GPI: variants seen among roughly 807,000 people sequenced by gnomAD.
GPI encodes the protein D-hexose-6-phosphate anomerase.
GPI carries 56 observed loss-of-function variants against 75.8 expected under a neutral mutation model. The observed-to-expected ratio is 0.74, with a 90% CI of 0.60 to 0.92. The LOEUF is 0.92. Ranked by LOEUF, GPI falls within the 40% of genes least tolerant of loss-of-function variation. The pLI is 0.00. For synonymous variants in GPI, 288 were observed against 285.4 expected, an observed-to-expected ratio of 1.01 and a Z score of -0.09; for missense variants, 638 against 741.0, an observed-to-expected ratio of 0.86 and a Z score of 1.61.
At chr19:34,396,482 C>T (rs373505851) in intron 13 of GPI, 52 bp downstream of exon 13, 1 of 1,613,278 alleles carries the variant, frequency 6.2e-7, no homozygotes, top group African/African-American at 1.3e-5. Context: ...AAAGGATCTT[C>T]CAGAAGAGAT....
At chr19:34,366,556 C>G in intron 2 of GPI, 121 bp downstream of exon 2, 1 of 800,406 alleles carries the variant, frequency 1.2e-6, no homozygotes, top group South Asian at 1.4e-5. Context: ...CCTCAGTCAC[C>G]TCCTCTGTGC....
At chr19:34,375,960 TCA>T (rs1203064504) in intron 4 of GPI, among the ~76,000 whole-genome samples, 2 of 152,240 alleles carry the variant, frequency 1.3e-5, no homozygotes, top group African/African-American at 4.8e-5. Context: ...CATAGCCCAG[TCA>T]CAGTTTTCAA....
intron 8 of GPI, among the ~76,000 whole-genome samples, chr19:34,380,559 G>A (rs1482817758): frequency 6.6e-6 from 1 of 152,226 alleles, no homozygotes; most frequent in Non-Finnish European, 1.5e-5. Context: ...TGGGATTATA[G>A]GCATGAGCCA....
upstream of GPI, among the ~76,000 whole-genome samples, chr19:34,360,621 G>C (rs886338698): frequency 2.6e-5 from 4 of 152,102 alleles, no homozygotes; most frequent in South Asian, 8.3e-4. Context: ...TAACTGGGAT[G>C]ATGAGGAGTG....
rs572782133 is a variant in GPI at position 34,397,011 on chromosome 19, A to G, written c.1269+354A>G. Reference sequence around the variant, plus strand: ...GTTTTGGTAAAGGGGGGGTTTCACTATGTTGGCCAGGCTGGTCTTGAACTC... The same window carrying G: ...GTTTTGGTAAAGGGGGGGTTTCACTGTGTTGGCCAGGCTGGTCTTGAACTC... On this transcript the variant is annotated intron_variant, in intron 14 of 17. Coordinates refer to ENST00000356487, the MANE Select transcript of GPI (RefSeq NM_000175.5). Among the ~76,000 whole-genome samples the G allele has an allele frequency of 8.5e-5, 13 of 152,236 alleles. No individual in the cohort carries two copies. The South Asian group carries it at 2.1e-3, about 24-fold the overall frequency.
chr19:34,375,961 C>T (rs527730269), intron 4 of GPI, among the ~76,000 whole-genome samples: 1 of 152,330 alleles, frequency 6.6e-6, no homozygotes, highest in South Asian at 2.1e-4. Context: ...ATAGCCCAGT[C>T]ACAGTTTTCA....
intron 5 of GPI, 34 bp from the exon 6 acceptor site, chr19:34,377,701 A>C (rs763161189): frequency 6.2e-7 from 1 of 1,612,764 alleles, no homozygotes; most frequent in African/African-American, 1.3e-5. Context: ...GTGGGCCCTG[A>C]ATTCTTATTC....
In GPI at chr19:34,381,952, G is replaced by C. The variant is rs1210639496; in HGVS notation, c.804+433G>C. ...AGCAACAGGAGCTGCAGGAGGAGCT[G>C]GGGGGGTGGCGTAGAGGAGGCGCCA... On this transcript the variant is annotated intron_variant, in intron 9 of 17. Transcript: ENST00000356487. 2.0e-5 allele frequency among the ~76,000 whole-genome samples: 3 copies of C among 152,122 alleles called. No individual in the cohort carries two copies. The East Asian group carries it at 5.8e-4, about 29-fold the overall frequency.
intron 9 of GPI, among the ~76,000 whole-genome samples, chr19:34,389,738 G>C (rs1013567741): frequency 2.0e-5 from 3 of 152,160 alleles, no homozygotes; most frequent in Admixed American, 1.3e-4. Context: ...GAGATCAAGG[G>C]TCAAGTACCC....
At chr19:34,395,208 C>T (rs1309310661) in intron 12 of GPI, among the ~76,000 whole-genome samples, 1 of 152,052 alleles carries the variant, frequency 6.6e-6, no homozygotes, top group African/African-American at 2.4e-5. Context: ...CAAAGCCTAG[C>T]ATTTAGTTGT....
At chr19:34,368,549 G>A in intron 3 of GPI, 34 bp from the exon 4 acceptor site, 1 of 1,613,386 alleles carries the variant, frequency 6.2e-7, no homozygotes, top group East Asian at 2.2e-5. Context: ...GGGGTTGGGG[G>A]GGGCAGTCTT....
At chr19:34,383,869 C>T (rs1168824224) in intron 9 of GPI, among the ~76,000 whole-genome samples, 1 of 152,142 alleles carries the variant, frequency 6.6e-6, no homozygotes, top group African/African-American at 2.4e-5. Flanking sequence ...ACCAGGCTCC[C>T]TCAGGCCGAG....
At position 34,378,012 on chromosome 19, in the gene GPI, GGTCAGT is replaced by G. The variant is rs2074576517; in HGVS notation, c.633+132_633+137del. The G allele has an allele frequency of 4.5e-6, 4 of 882,878 alleles. No homozygotes were observed. The South Asian group carries it at 5.4e-5, about 12-fold the overall frequency. 54.7% of individuals were successfully genotyped at this position (882,878 alleles called of 1,614,324 possible). A position where few individuals can be genotyped will look rare whatever the true frequency, so the allele number is the denominator to read the frequency against. ...CGAGTGAACCATGGTTTGTGGATCA[GGTCAGT>G]ACAGCTGCCCTAGACTGTTTCCATG... On this transcript the variant is annotated intron_variant, in intron 6 of 17. Coordinates refer to ENST00000356487, the MANE Select transcript of GPI (RefSeq NM_000175.5).
At chr19:34,385,679 G>A (rs1599839074) in intron 9 of GPI, among the ~76,000 whole-genome samples, 2 of 152,230 alleles carry the variant, frequency 1.3e-5, no homozygotes, top group East Asian at 1.9e-4. Flanking sequence ...GTTGGATGAG[G>A]TGTAAGCAGC....
upstream of GPI, chr19:34,363,316 AAAAAG>A (rs1317292915): frequency 1.3e-5 from 2 of 152,778 alleles, no homozygotes; most frequent in Non-Finnish European, 2.9e-5. Flanking sequence ...TCAAAAAAAA[AAAAAG>A]AAGGAGGAGT....
At chr19:34,362,113 CAA>C (rs71165651), upstream of GPI, among the ~76,000 whole-genome samples, 5,397 of 79,540 alleles carry the variant, frequency 0.068, 378 homozygotes, top group East Asian at 0.47. Flanking sequence ...GACTCCATCT[CAA>C]AAAAAAAAAA....
In GPI at chr19:34,393,853, G is replaced by C; in HGVS notation, c.910-61G>C. The stretch of plus-strand genomic sequence containing the variant: ...CTGGTCCCCCGCTTTCTCCCCCACT[G>C]TCCTGTCCCTCCCCTCCCCGTGCAG... On this transcript the variant is annotated intron_variant, in intron 11 of 17. Coordinates refer to ENST00000356487, the MANE Select transcript of GPI (RefSeq NM_000175.5). The surrounding 1 kb of genome is among the most constrained non-coding windows in gnomAD (Gnocchi z 4.4). 2.5e-6 allele frequency: 4 copies of C among 1,606,438 alleles called. No individual in the cohort carries two copies. Among genetic ancestry groups the C allele is most frequent in the Non-Finnish European group, 3.4e-6 (4 of 1,174,224 alleles).
intron 4 of GPI, 53 bp from the exon 5 acceptor site, chr19:34,377,450 C>T: frequency 7.7e-7 from 1 of 1,295,400 alleles, no homozygotes; most frequent in Non-Finnish European, 1.1e-6. Context: ...TGTTTTTGAG[C>T]AGCGGATTAT....
chr19:34,373,783 G>A (rs2074491462), intron 4 of GPI, among the ~76,000 whole-genome samples: 1 of 152,088 alleles, frequency 6.6e-6, no homozygotes, highest in Non-Finnish European at 1.5e-5. Context: ...AAGGCTTCAT[G>A]GGGGTTGGAG....
Sources: gnomAD v4.1 joint callset for allele counts (sites outside exome capture counted in the v4.1 genomes callset) on GRCh38, gnomAD v4.1.1 for gene constraint, Gnocchi (gnomAD v3.1) non-coding constraint, MANE v1.5 for transcripts, NCBI Gene and HGNC (gene_info 2026-07-23, HGNC 2026-07-21) for gene names.